Variants in POLE2 observed in about 807,000 individuals in gnomAD.
POLE2 encodes the protein DNA polymerase epsilon subunit 2.
Under a neutral mutation model 79.4 loss-of-function variants are expected in POLE2, and 56 were observed. That is an observed-to-expected ratio of 0.71 (90% confidence interval 0.57 to 0.88). The LOEUF is 0.88. Ranked by LOEUF, POLE2 falls within the 40% of genes least tolerant of loss-of-function variation. The pLI is 0.00. For synonymous variants in POLE2, 212 were observed against 214.0 expected (o/e 0.99, Z 0.08); for missense variants, 598 against 638.9 (o/e 0.94, Z 0.69).
intron 1 of POLE2, among the ~76,000 whole-genome samples, chr14:49,687,030 T>C (rs907274261): frequency 2.6e-5 from 4 of 152,120 alleles, no homozygotes; most frequent in Admixed American, 2.0e-4. Flanking sequence ...ACGCCTGTAA[T>C]TCCAGCATTC....
Position 49,646,302 on chromosome 14 carries a change from G to GTTTTT in POLE2, c.1565+986_1565+990dup, listed in dbSNP as rs1162033821. ...GATTTGGTCAGTTGTTTTTTTGTTG[G>GTTTTT]TTTTTTTTTTTTTTTTTTTTTTTTT... On this transcript the variant is annotated intron_variant, in intron 18 of 18. Coordinates refer to ENST00000216367, the MANE Select transcript of POLE2 (RefSeq NM_002692.4). Among the ~76,000 whole-genome samples, 718 of 84,372 alleles carry GTTTTT rather than the reference G, an allele frequency of 8.5e-3. 58 individuals carry two copies. The highest frequency in any genetic ancestry group is 0.034 in the Middle Eastern group (4 of 116). 55.4% of individuals were successfully genotyped at this position (84,372 alleles called of 152,430 possible). A position where few individuals can be genotyped will look rare whatever the true frequency, so the allele number is the denominator to read the frequency against.
Position 49,663,391 on chromosome 14 carries a change from A to T in POLE2, c.683-4T>A, listed in dbSNP as rs955537870. 1 of 1,597,022 alleles carries T rather than the reference A, an allele frequency of 6.3e-7. No individual in the cohort carries two copies. The highest frequency in any genetic ancestry group is 8.6e-7 in the Non-Finnish European group (1 of 1,168,514). ...AACACTTGATCTTCAAACCAACCTG[A>T]AAAAAAGTAACGTCACTTTCATTTG... On this transcript the variant is annotated splice_region_variant and splice_polypyrimidine_tract_variant and intron_variant, in intron 9 of 18. Coordinates refer to ENST00000216367, the MANE Select transcript of POLE2 (RefSeq NM_002692.4).
chr14:49,655,586 C>CA, intron 11 of POLE2, 85 bp downstream of exon 11: 1 of 894,838 alleles, frequency 1.1e-6, no homozygotes, highest in Non-Finnish European at 1.7e-6. Context: ...ATAGAATACT[C>CA]AAAAAGATAA....
At position 49,650,355 on chromosome 14, in the gene POLE2, C is replaced by CA. The variant is rs776517397; in HGVS notation, c.1406dup (p.Leu469PhefsTer17). 452 of 1,610,896 alleles carry CA rather than the reference C, an allele frequency of 2.8e-4. No individual in the cohort carries two copies. The highest frequency in any genetic ancestry group is 3.4e-4 in the Non-Finnish European group (402 of 1,177,952). ...GTAGATCGGGCACAGGATACACTCT[C>CA]AAAGCATAGTCATATGCCCAATACA... On this transcript the variant is annotated frameshift_variant, in exon 17 of 19. Transcript: ENST00000216367. LOFTEE classifies it high-confidence loss of function.
intron 6 of POLE2, among the ~76,000 whole-genome samples, chr14:49,668,451 T>TCAAGC (rs1200891304): frequency 7.1e-6 from 1 of 140,466 alleles, no homozygotes; most frequent in East Asian, 2.1e-4. Context: ...CATGTCTCTA[T>TCAAGC]CAAAAGAAAA....
chr14:49,650,451 A>C lies in POLE2; in HGVS notation c.1321-10T>G. 1.4e-6 allele frequency: 2 copies of C among 1,403,128 alleles called. No homozygotes were observed. Among genetic ancestry groups the C allele is most frequent in the Non-Finnish European group, 1.9e-6 (2 of 1,065,648 alleles). The allele number at this position is 1,403,128 out of a possible 1,614,324, so 86.9% of individuals were successfully genotyped here. Reference sequence around the variant, plus strand: ...AGATAGTCTTTACAAACTACAAAAGAGCACAAAACAAAGCAAACTTCAGTT... The same window carrying C: ...AGATAGTCTTTACAAACTACAAAAGCGCACAAAACAAAGCAAACTTCAGTT... On this transcript the variant is annotated splice_polypyrimidine_tract_variant and intron_variant, in intron 16 of 18. Transcript: ENST00000216367.
At chr14:49,653,017 C>G (rs1205347785) in intron 15 of POLE2, among the ~76,000 whole-genome samples, 1 of 151,968 alleles carries the variant, frequency 6.6e-6, no homozygotes, top group Non-Finnish European at 1.5e-5. Context: ...GAGAGAAACC[C>G]CAAAGTGTTT....
At chr14:49,649,161 TTTTGA>T (rs1208643701) in intron 17 of POLE2, among the ~76,000 whole-genome samples, 1 of 129,300 alleles carries the variant, frequency 7.7e-6, no homozygotes, top group East Asian at 2.0e-4. Context: ...TTTTTTTTTT[TTTTGA>T]GACGCAGTCT....
At chr14:49,661,385 CAGT>C (rs1478660859) in intron 10 of POLE2, among the ~76,000 whole-genome samples, 2 of 152,028 alleles carry the variant, frequency 1.3e-5, no homozygotes, top group African/African-American at 4.8e-5. Context: ...TTCAAAGGTA[CAGT>C]AATAATTTTA....
chr14:49,651,978 G>A (rs1049089569), intron 15 of POLE2, among the ~76,000 whole-genome samples: 28 of 152,048 alleles, frequency 1.8e-4, no homozygotes, highest in African/African-American at 6.5e-4. Flanking sequence ...GGGGAGGAGA[G>A]GAAATCAGAG....
intron 10 of POLE2, among the ~76,000 whole-genome samples, chr14:49,660,327 T>C (rs1885012225): frequency 6.6e-6 from 1 of 152,172 alleles, no homozygotes; most frequent in South Asian, 2.1e-4. Flanking sequence ...ACAACACATT[T>C]CTCAGGATGT....
At chr14:49,677,748 GC>G in intron 3 of POLE2, 3 of 1,346,154 alleles carry the variant, frequency 2.2e-6, no homozygotes, top group Non-Finnish European at 3.0e-6. Context: ...ATCCCACAAA[GC>G]CCCACGCATT....
At chr14:49,677,552 A>C (rs1219273978) in intron 3 of POLE2, 4 of 481,990 alleles carry the variant, frequency 8.3e-6, no homozygotes, top group Non-Finnish European at 1.5e-5. Flanking sequence ...TAGGCGACCC[A>C]GCAGTGCACC....
At chr14:49,671,365 T>A (rs1260345190) in intron 5 of POLE2, among the ~76,000 whole-genome samples, 2 of 152,092 alleles carry the variant, frequency 1.3e-5, no homozygotes, top group East Asian at 3.9e-4. Context: ...ACGCTTGTGA[T>A]CCTAACACTT....
intron 1 of POLE2, chr14:49,684,620 G>A (rs1309633730): frequency 6.7e-6 from 1 of 148,598 alleles, no homozygotes; most frequent in Non-Finnish European, 1.5e-5. Flanking sequence ...ATACACATAT[G>A]GTAAGGCACT....
chr14:49,670,317 C>CAAAAAA lies in POLE2; in HGVS notation c.418-725_418-720dup, dbSNP rs61383006. 6.0e-3 allele frequency among the ~76,000 whole-genome samples: 356 copies of CAAAAAA among 59,092 alleles called. 38 individuals carry two copies. The highest frequency in any genetic ancestry group is 0.02 in the African/African-American group (297 of 15,048). 38.8% of individuals were successfully genotyped at this position (59,092 alleles called of 152,430 possible). A position where few individuals can be genotyped will look rare whatever the true frequency, so the allele number is the denominator to read the frequency against. On this transcript the variant is annotated intron_variant, in intron 5 of 18. Coordinates refer to ENST00000216367, the MANE Select transcript of POLE2 (RefSeq NM_002692.4). ...GGCAACAAGAGCGAAACTGTGTCTC[C>CAAAAAA]AAAAAAAAAAAAAAAAAAAAAAAAA...
intron 5 of POLE2, among the ~76,000 whole-genome samples, chr14:49,670,280 C>G (rs1314656376): frequency 1.5e-5 from 2 of 135,220 alleles, no homozygotes; most frequent in African/African-American, 5.7e-5. Flanking sequence ...CGTGCCACTG[C>G]ACTCCAGCCT....
At chr14:49,675,488 G>A (rs960080369) in intron 3 of POLE2, among the ~76,000 whole-genome samples, 13 of 152,224 alleles carry the variant, frequency 8.5e-5, no homozygotes, top group Admixed American at 5.2e-4. Flanking sequence ...TGCCCAGGCT[G>A]GGGTGTGATC....
chr14:49,647,543 T>G (rs1274839976), intron 17 of POLE2, among the ~76,000 whole-genome samples, 183 bp from the exon 18 acceptor site: 3 of 152,088 alleles, frequency 2.0e-5, no homozygotes, highest in Admixed American at 6.6e-5. Context: ...AACCTCCATT[T>G]CCGGGATTCA....
Sources: gnomAD v4.1 joint callset for allele counts (sites outside exome capture counted in the v4.1 genomes callset) on GRCh38, gnomAD v4.1.1 for gene constraint, MANE v1.5 for transcripts, NCBI Gene and HGNC (gene_info 2026-07-23, HGNC 2026-07-21) for gene names.